CNTRL: variants seen among roughly 807,000 people sequenced by gnomAD.
CNTRL encodes the protein 110 kDa centrosomal protein.
In CNTRL, 233 loss-of-function variants were observed where a neutral mutation model predicts 303.7. The ratio of observed to expected loss-of-function variants is 0.77; its 90% CI spans 0.69 to 0.86. The LOEUF (loss-of-function observed/expected upper bound fraction) is 0.86, where lower values mean the gene tolerates loss of function less well. Among genes scored for constraint, CNTRL ranks in the 40% least tolerant of loss-of-function variants. The pLI, the probability that CNTRL is intolerant of heterozygous loss-of-function variation, is 0.00. For missense variants in CNTRL, 2,524 were observed against 2,650.6 expected (o/e 0.95, Z 1.05); for synonymous variants, 900 against 922.2 (o/e 0.98, Z 0.44).
Position 121,173,304 on chromosome 9 carries a change from T to C in CNTRL, c.6479T>C (p.Leu2160Pro). The change falls in exon 41 of 44, where the codon CTT (leucine) becomes CCT (proline). Residue 2160 changes from leucine (L) to proline (P), a missense_variant. By Grantham distance (98) the Leu-to-Pro change is moderately conservative. Transcript: ENST00000373855. The part of the protein sequence containing the change: ...QMEISDAMRT[L>P]KSEVKDEIRT... ...GAAATCAGTGATGCAATGAGGACAC[T>C]TAAATCTGAGGTGAAGGATGAAATC... 3 of 1,614,102 alleles carry C rather than the reference T, an allele frequency of 1.9e-6. No individual in the cohort carries two copies. Among genetic ancestry groups the C allele is most frequent in the South Asian group, 1.1e-5 (1 of 91,078 alleles).
At chr9:121,102,438 A>G (rs1374110093) in intron 7 of CNTRL, among the ~76,000 whole-genome samples, 4 of 152,228 alleles carry the variant, frequency 2.6e-5, no homozygotes, top group African/African-American at 4.8e-5. Context: ...CACAGCCAAT[A>G]TCATACTGAA....
chr9:121,164,299 A>G (rs190100531), intron 34 of CNTRL, among the ~76,000 whole-genome samples: 331 of 152,352 alleles, frequency 2.2e-3, no homozygotes, highest in Middle Eastern at 6.8e-3. Context: ...CCTAGGTATT[A>G]TATTTATTCA....
chr9:121,091,065 GC>G (rs1434769255), intron 4 of CNTRL, among the ~76,000 whole-genome samples: 4 of 152,152 alleles, frequency 2.6e-5, no homozygotes, highest in Admixed American at 6.5e-5. Flanking sequence ...GGAAGGACCT[GC>G]CCCCATGATT....
Position 121,138,750 on chromosome 9 carries a change from A to T in CNTRL, c.2337+71A>T, listed in dbSNP as rs2051336197. 4 of 1,527,264 alleles carry T rather than the reference A, an allele frequency of 2.6e-6. No homozygotes were observed. In the East Asian group the frequency reaches 6.8e-5, roughly 26 times the overall value. The allele number at this position is 1,527,264 out of a possible 1,614,324, so 94.6% of individuals were successfully genotyped here. A position where few individuals can be genotyped will look rare whatever the true frequency, so the allele number is the denominator to read the frequency against. On this transcript the variant is annotated intron_variant, in intron 16 of 43. Transcript: ENST00000373855. ...AAGATGATGATATCTTTAGTCAGGC[A>T]CTTAGCAACCTGCTCTAACATGTAG...
At chr9:121,176,861 C>T (rs1178605135) in intron 43 of CNTRL, among the ~76,000 whole-genome samples, 1 of 152,176 alleles carries the variant, frequency 6.6e-6, no homozygotes, top group Non-Finnish European at 1.5e-5. Flanking sequence ...GCAAGTTCTG[C>T]AAGGTCCATC....
chr9:121,087,029 G>T (rs1189103486), intron 2 of CNTRL, among the ~76,000 whole-genome samples: 1 of 152,228 alleles, frequency 6.6e-6, no homozygotes, highest in Non-Finnish European at 1.5e-5. Context: ...AAGAGAGCTT[G>T]TAGACAGATC....
intron 2 of CNTRL, among the ~76,000 whole-genome samples, chr9:121,087,055 T>C (rs2048370952): frequency 2.0e-5 from 3 of 152,188 alleles, no homozygotes; most frequent in African/African-American, 7.2e-5. Context: ...GAAGCTGTTA[T>C]AGTAGTTTGA....
chr9:121,090,715 T>A (rs2048530461), intron 4 of CNTRL, among the ~76,000 whole-genome samples: 1 of 152,240 alleles, frequency 6.6e-6, no homozygotes, highest in Admixed American at 6.5e-5. Context: ...TTACATATTG[T>A]CTGTGGTTGT....
chr9:121,168,345 T>C (rs1053292576), intron 38 of CNTRL, 24 bp downstream of exon 38: 3 of 1,595,650 alleles, frequency 1.9e-6, no homozygotes, highest in Admixed American at 1.7e-5. Flanking sequence ...AACTTCTCAC[T>C]GGGAGATGGG....
intron 15 of CNTRL, 128 bp downstream of exon 15, chr9:121,136,110 G>A (rs2051177208): frequency 1.3e-5 from 11 of 856,548 alleles, no homozygotes; most frequent in Middle Eastern, 5.1e-4. Flanking sequence ...TGATGGGAAA[G>A]GCAGAATTTT....
chr9:121,149,283 T>A (rs1292178073), intron 24 of CNTRL, among the ~76,000 whole-genome samples: 1 of 152,238 alleles, frequency 6.6e-6, no homozygotes, highest in Non-Finnish European at 1.5e-5. Flanking sequence ...CCTGAGTAAA[T>A]CTTTTTCACT....
chr9:121,161,237 T>G, intron 32 of CNTRL: 1 of 431,036 alleles, frequency 2.3e-6, no homozygotes. Context: ...GAAATAATGG[T>G]GGGTTTTCAT....
chr9:121,168,053 C>CT, intron 37 of CNTRL, 43 bp from the exon 38 acceptor site: 1 of 1,538,264 alleles, frequency 6.5e-7, no homozygotes, highest in Non-Finnish European at 8.9e-7. Context: ...CTCTGGGACA[C>CT]TATTTGTTGT....
intron 2 of CNTRL, 97 bp from the exon 3 acceptor site, chr9:121,088,199 C>CT: frequency 1.5e-6 from 1 of 646,066 alleles, no homozygotes; most frequent in Non-Finnish European, 2.7e-6. Flanking sequence ...TTTATGGCCT[C>CT]TGAGTTTATA....
rs781685019 is a variant in CNTRL, at chr9:121,157,507, G to A, written c.4403G>A (p.Arg1468Lys). The A allele has an allele frequency of 1.1e-5, 17 of 1,613,940 alleles. No individual in the cohort carries two copies. The highest frequency in any genetic ancestry group is 1.4e-5 in the Non-Finnish European group (17 of 1,180,002). The change falls in exon 28 of 44, where the codon AGA (arginine) becomes AAA (lysine). Residue 1468 changes from arginine to lysine, a missense_variant. Arg to Lys is a conservative substitution (Grantham distance 26, BLOSUM62 2). Coordinates refer to ENST00000373855, the MANE Select transcript of CNTRL (RefSeq NM_007018.6). ...NAVEKFTDAK[R>K]SLLQTESDAE... ...GTTGAAAAGTTCACTGATGCCAAGA[G>A]AAGTTTATTGCAAACTGAGTCAGAT...
intron 14 of CNTRL, among the ~76,000 whole-genome samples, chr9:121,126,601 A>C (rs192417241): frequency 2.0e-5 from 3 of 152,306 alleles, no homozygotes; most frequent in Non-Finnish European, 4.4e-5. Context: ...GAAATAAAAC[A>C]TTATAGGTAC....
chr9:121,075,399 GAGCTGGGATGTGCC>G, intron 1 of CNTRL, among the ~76,000 whole-genome samples: 1 of 152,346 alleles, frequency 6.6e-6, no homozygotes, highest in Non-Finnish European at 1.5e-5. Flanking sequence ...GCTGAGGGGA[GAGCTGGGATGTGCC>G]AGCTGTCTGT....
intron 43 of CNTRL, among the ~76,000 whole-genome samples, chr9:121,176,880 T>C (rs1266169600): frequency 6.6e-6 from 1 of 152,186 alleles, no homozygotes. Flanking sequence ...TCAGAACCAC[T>C]AGACAGTTAC....
chr9:121,174,558 T>G (rs987452087), intron 42 of CNTRL, among the ~76,000 whole-genome samples: 2 of 152,344 alleles, frequency 1.3e-5, no homozygotes, highest in South Asian at 4.1e-4. Flanking sequence ...AGAGAATAAT[T>G]TGATTATAGC....
Sources: allele counts gnomAD v4.1 joint callset (sites outside exome capture counted in the v4.1 genomes callset), GRCh38; gene constraint gnomAD v4.1.1; transcripts MANE v1.5; gene names NCBI Gene and HGNC (gene_info 2026-07-23, HGNC 2026-07-21).